Variants in WDR72 observed in about 807,000 individuals in gnomAD.
WDR72 encodes WD repeat-containing protein 72.
WDR72 carries 120 observed loss-of-function variants against 124.2 expected under a neutral mutation model. That is an observed-to-expected ratio of 0.97 (90% CI 0.83 to 1.12). The LOEUF is 1.12. WDR72 is among the 50% of genes most tolerant of loss of function. The pLI, the probability that WDR72 is intolerant of heterozygous loss-of-function variation, is 0.00. For missense variants in WDR72, 1,387 were observed against 1,278.8 expected (o/e 1.08, Z -1.29); for synonymous variants, 452 against 441.7 (o/e 1.02, Z -0.29).
chr15:53,538,521 T>A (rs908802515), intron 18 of WDR72, among the ~76,000 whole-genome samples: 14 of 152,204 alleles, frequency 9.2e-5, no homozygotes, highest in Non-Finnish European at 1.3e-4. Flanking sequence ...TTAACATTCT[T>A]CTTTTTCATT....
chr15:53,622,622 C>T (rs1263476929), intron 14 of WDR72, among the ~76,000 whole-genome samples: 1 of 151,778 alleles, frequency 6.6e-6, no homozygotes, highest in Non-Finnish European at 1.5e-5. Flanking sequence ...TGGGGGCAGT[C>T]TGAGGAGGGA....
chr15:53,741,314 C>T (rs963660324), intron 1 of WDR72, among the ~76,000 whole-genome samples: 3 of 152,180 alleles, frequency 2.0e-5, no homozygotes, highest in African/African-American at 7.2e-5. Flanking sequence ...ATTCCTAACA[C>T]AACCAAATTA....
At chr15:53,693,051 A>G (rs79943095) in intron 13 of WDR72, among the ~76,000 whole-genome samples, 13,273 of 152,224 alleles carry the variant, frequency 0.087, 726 homozygotes, top group Admixed American at 0.12. Context: ...TACTTTTAAC[A>G]TACCTATAAT....
chr15:53,608,175 A>G (rs1172072184), intron 17 of WDR72, among the ~76,000 whole-genome samples: 1 of 152,210 alleles, frequency 6.6e-6, no homozygotes, highest in African/African-American at 2.4e-5. Flanking sequence ...AAAGCAAACC[A>G]GTATATCAAA....
chr15:53,648,185 A>T (rs1196467773), intron 14 of WDR72, among the ~76,000 whole-genome samples: 1 of 152,072 alleles, frequency 6.6e-6, no homozygotes, highest in Non-Finnish European at 1.5e-5. Flanking sequence ...AAATCCAAAA[A>T]ATTCATTAAT....
At chr15:53,679,346 A>G (rs1483810815) in intron 13 of WDR72, among the ~76,000 whole-genome samples, 2 of 152,228 alleles carry the variant, frequency 1.3e-5, no homozygotes, top group Non-Finnish European at 2.9e-5. Context: ...ATCTTTGTTT[A>G]TATTTTACCA....
chr15:53,648,401 C>T (rs1198445025), intron 14 of WDR72, among the ~76,000 whole-genome samples: 1 of 152,094 alleles, frequency 6.6e-6, no homozygotes. Context: ...ATTTTACTTA[C>T]TCCAAACACC....
intron 12 of WDR72, 120 bp from the exon 13 acceptor site, chr15:53,700,065 A>G (rs988705071): frequency 1.1e-5 from 13 of 1,149,304 alleles, no homozygotes; most frequent in African/African-American, 9.2e-5. Flanking sequence ...TACAAAAATG[A>G]TATTTCTGCT....
rs200042976 is a variant in WDR72 at position 53,517,723 on chromosome 15, C to T, written c.3285G>A (p.Lys1095=). 1 of 1,612,846 alleles carries T rather than the reference C, an allele frequency of 6.2e-7. No homozygotes were observed. Among genetic ancestry groups the T allele is most frequent in the Non-Finnish European group, 8.5e-7 (1 of 1,179,180 alleles). ...TTTAAGACACCTTGCAGGGGCAGAC[C>T]TTTGCTATCCATGAATGATGCCTTG... is the stretch of plus-strand genomic sequence containing the variant. ...GEPRHHSWIA[K]VCPCKVS is the part of the protein sequence containing the mutation. Residue 1095 remains lysine, a synonymous_variant, in exon 20 of 20, where the codon AAG becomes AAA. Coordinates refer to ENST00000360509, the MANE Select transcript of WDR72 (RefSeq NM_182758.4).
At chr15:53,536,285 T>C (rs1892756196) in intron 18 of WDR72, among the ~76,000 whole-genome samples, 1 of 152,224 alleles carries the variant, frequency 6.6e-6, no homozygotes. Flanking sequence ...AAAGCTAATT[T>C]GATCATTTAC....
intron 13 of WDR72, among the ~76,000 whole-genome samples, chr15:53,673,321 T>C (rs990468695): frequency 1.3e-5 from 2 of 152,056 alleles, no homozygotes; most frequent in African/African-American, 4.8e-5. Flanking sequence ...GGGAGAGAAA[T>C]AATTTAAAAA....
intron 18 of WDR72, among the ~76,000 whole-genome samples, chr15:53,587,417 C>A (rs1441269926): frequency 6.6e-6 from 1 of 151,942 alleles, no homozygotes; most frequent in Non-Finnish European, 1.5e-5. Context: ...GCATCAATAG[C>A]AGTGGTCTTA....
At chr15:53,666,582 T>C (rs1166382249) in intron 13 of WDR72, among the ~76,000 whole-genome samples, 1 of 152,194 alleles carries the variant, frequency 6.6e-6, no homozygotes, top group Non-Finnish European at 1.5e-5. Flanking sequence ...ATTAAATATA[T>C]AGGTTATCTC....
chr15:53,642,245 T>A (rs1448106454), intron 14 of WDR72, among the ~76,000 whole-genome samples: 1 of 151,986 alleles, frequency 6.6e-6, no homozygotes, highest in African/African-American at 2.4e-5. Flanking sequence ...TAGCATATAG[T>A]CCCAAATTGC....
intron 19 of WDR72, 148 bp from the exon 20 acceptor site, chr15:53,517,902 A>C: frequency 1.3e-6 from 1 of 756,394 alleles, no homozygotes; most frequent in Non-Finnish European, 2.3e-6. Context: ...GAAAGAAAGG[A>C]AGAAAGGTAT....
At chr15:53,618,075 G>A (rs1484922476) in intron 14 of WDR72, among the ~76,000 whole-genome samples, 6 of 151,860 alleles carry the variant, frequency 4.0e-5, no homozygotes, top group African/African-American at 1.5e-4. Context: ...AATAAATAAT[G>A]TAAATGAACT....
intron 14 of WDR72, among the ~76,000 whole-genome samples, chr15:53,639,685 T>C (rs914104365): frequency 1.8e-4 from 28 of 152,084 alleles, no homozygotes; most frequent in Middle Eastern, 3.4e-3. Flanking sequence ...TAGTTAATAT[T>C]GGCCTTATGA....
intron 14 of WDR72, among the ~76,000 whole-genome samples, chr15:53,616,689 AAAT>A (rs1220134103): frequency 6.6e-6 from 1 of 152,032 alleles, no homozygotes; most frequent in Non-Finnish European, 1.5e-5. Flanking sequence ...GAAGTAATTT[AAAT>A]GTTAACCAAT....
chr15:53,743,414 A>G (rs947163599), intron 1 of WDR72, among the ~76,000 whole-genome samples: 1 of 152,170 alleles, frequency 6.6e-6, no homozygotes, highest in African/African-American at 2.4e-5. Context: ...AAATAAGACC[A>G]AAACAGCATT....
Sources: gnomAD v4.1 joint callset for allele counts (sites outside exome capture counted in the v4.1 genomes callset) on GRCh38, gnomAD v4.1.1 for gene constraint, MANE v1.5 for transcripts, NCBI Gene and HGNC (gene_info 2026-07-23, HGNC 2026-07-21) for gene names.